NF1: variants seen among roughly 807,000 people sequenced by gnomAD.
The protein encoded by NF1 is neurofibromin 1.
A neutral mutation model predicts 325.7 loss-of-function variants in NF1; 122 were observed. That is an observed-to-expected ratio of 0.37 (90% CI 0.32 to 0.44). NF1 has a LOEUF of 0.44. NF1 is among the 20% of genes least tolerant of loss of function. The probability of loss-of-function intolerance (pLI) is 1.00; values close to 1 mark genes in which losing one functional copy is unlikely to be tolerated. For synonymous variants in NF1, 1,091 were observed against 1,186.0 expected, an observed-to-expected ratio of 0.92 and a Z score of 1.65; for missense variants, 2,140 against 3,415.4, an observed-to-expected ratio of 0.63 and a Z score of 9.31.
intron 27 of NF1, among the ~76,000 whole-genome samples, chr17:31,233,651 T>C (rs1368975248): frequency 1.3e-5 from 2 of 152,220 alleles, no homozygotes; most frequent in African/African-American, 2.4e-5. Flanking sequence ...TGATATTGTT[T>C]ATTTTAAAAA....
intron 29 of NF1, among the ~76,000 whole-genome samples, chr17:31,238,332 A>G (rs1054899847): frequency 2.0e-5 from 3 of 152,202 alleles, no homozygotes; most frequent in Non-Finnish European, 4.4e-5. Context: ...TGTTATCCCT[A>G]GCAAAGGTTT....
chr17:31,223,913 CATACATA>C (rs2066969777), intron 16 of NF1, among the ~76,000 whole-genome samples: 1 of 152,112 alleles, frequency 6.6e-6, no homozygotes, highest in Admixed American at 6.6e-5. Flanking sequence ...AGACATAATT[CATACATA>C]AAATTTATTT....
intron 31 of NF1, among the ~76,000 whole-genome samples, chr17:31,258,094 T>C (rs1473134823): frequency 6.6e-6 from 1 of 152,110 alleles, no homozygotes; most frequent in Non-Finnish European, 1.5e-5. Flanking sequence ...AGGTTTCTTC[T>C]ACCCATCTCA....
chr17:31,292,502 G>A (rs886264730), intron 36 of NF1, among the ~76,000 whole-genome samples: 1 of 151,916 alleles, frequency 6.6e-6, no homozygotes, highest in Non-Finnish European at 1.5e-5. Flanking sequence ...TCCCAAAATC[G>A]GCCCTGTGGA....
chr17:31,326,015 C>T lies in NF1; in HGVS notation c.5031C>T (p.Val1677=), dbSNP rs2151538196. 6.2e-7 allele frequency: 1 copy of T among 1,614,206 alleles called. No homozygotes were observed. Among genetic ancestry groups the T allele is most frequent in the Non-Finnish European group, 8.5e-7 (1 of 1,180,040 alleles). The part of the protein sequence containing the change: ...PGFAYDNVSA[V]YIYNCNSWVR... ...TTGCTTACGACAACGTCTCCGCAGT[C>T]TATATCTATAACTGTAACTCCTGGG... Residue 1677 remains valine, a synonymous_variant, in exon 37 of 58, where the codon GTC becomes GTT. Transcript: ENST00000358273.
chr17:31,346,836 T>C (rs1340636506), intron 48 of NF1, among the ~76,000 whole-genome samples: 2 of 150,194 alleles, frequency 1.3e-5, no homozygotes, highest in Non-Finnish European at 3.0e-5. Flanking sequence ...TTTTTTTTTT[T>C]TTTTACATCT....
intron 39 of NF1, among the ~76,000 whole-genome samples, chr17:31,333,088 A>G (rs907640126): frequency 6.6e-6 from 1 of 152,158 alleles, no homozygotes; most frequent in Non-Finnish European, 1.5e-5. Flanking sequence ...ATTTTAAGAA[A>G]TTCACTAATA....
At chr17:31,322,094 TACACACACACACACACACAC>T (rs71142046) in intron 36 of NF1, among the ~76,000 whole-genome samples, 7 of 147,412 alleles carry the variant, frequency 4.7e-5, no homozygotes, top group African/African-American at 1.5e-4. Context: ...AGTGTGTGTA[TACACACACACACACACACAC>T]ACACACACAC....
intron 36 of NF1, among the ~76,000 whole-genome samples, chr17:31,280,919 T>A (rs2068107227): frequency 6.6e-6 from 1 of 152,088 alleles, no homozygotes; most frequent in Admixed American, 6.6e-5. Context: ...AAAGGAAAGT[T>A]TATACTGTGA....
At chr17:31,101,200 A>G (rs1005796673) in intron 1 of NF1, among the ~76,000 whole-genome samples, 2 of 152,098 alleles carry the variant, frequency 1.3e-5, no homozygotes, top group African/African-American at 2.4e-5. Flanking sequence ...CTGGCAAAAC[A>G]TAGTGGTCAT....
At chr17:31,248,908 G>T in intron 29 of NF1, 76 bp from the exon 30 acceptor site, 1 of 1,439,850 alleles carries the variant, frequency 6.9e-7, no homozygotes, top group South Asian at 1.2e-5. Context: ...GTCTGTATAA[G>T]AGTCTCTTTT....
At chr17:31,114,890 C>T (rs1913765918) in intron 1 of NF1, among the ~76,000 whole-genome samples, 2 of 152,128 alleles carry the variant, frequency 1.3e-5, no homozygotes, top group South Asian at 4.1e-4. Context: ...CTTTGGTGGT[C>T]CTGCTTCATG....
At position 31,376,385 on chromosome 17, in the gene NF1, G is replaced by A. The variant is rs912455184; in HGVS notation, c.*2230G>A. 7 of 232,506 alleles carry A rather than the reference G, an allele frequency of 3.0e-5. No homozygotes were observed. Among genetic ancestry groups the A allele is most frequent in the Admixed American group, 5.6e-5 (1 of 17,754 alleles). 14.4% of individuals were successfully genotyped at this position (232,506 alleles called of 1,614,324 possible). ...TACCAAGGGTGTAGTATTTCATACC[G>A]CCTGAAATGATCAGCATTGGCACAA... On this transcript the variant is annotated 3_prime_UTR_variant, in exon 58 of 58. Coordinates refer to ENST00000358273, the MANE Select transcript of NF1 (RefSeq NM_001042492.3).
rs2067762902 is a variant in NF1 at position 31,265,159 on chromosome 17, A to G, written c.4725-70A>G. 21 of 1,061,166 alleles carry G rather than the reference A, an allele frequency of 2.0e-5. 2 individuals are homozygous for G. In the East Asian group the frequency reaches 4.9e-4, roughly 25 times the overall value. The allele number at this position is 1,061,166 out of a possible 1,614,324, so 65.7% of individuals were successfully genotyped here. On this transcript the variant is annotated intron_variant, in intron 35 of 57. Transcript: ENST00000358273. Reference sequence around the variant, plus strand: ...ATTTTAGTATTTTATTGTTTATCCAATTATAGACTTTTTTACATACTCAGT... The same window carrying G: ...ATTTTAGTATTTTATTGTTTATCCAGTTATAGACTTTTTTACATACTCAGT...
chr17:31,259,963 A>C (rs2067655150), intron 33 of NF1, among the ~76,000 whole-genome samples: 1 of 152,184 alleles, frequency 6.6e-6, no homozygotes, highest in African/African-American at 2.4e-5. Context: ...ATGTCAGCAT[A>C]GGATTCATAT....
At chr17:31,144,200 A>ATT (rs1332615084) in intron 1 of NF1, among the ~76,000 whole-genome samples, 1 of 152,186 alleles carries the variant, frequency 6.6e-6, no homozygotes, top group Non-Finnish European at 1.5e-5. Context: ...TCAGCTTACC[A>ATT]TTTTAAATAA....
At chr17:31,125,151 A>C (rs889402316) in intron 1 of NF1, among the ~76,000 whole-genome samples, 3 of 152,128 alleles carry the variant, frequency 2.0e-5, no homozygotes, top group Non-Finnish European at 2.9e-5. Context: ...CTCCATGAAC[A>C]ATGTATTGCT....
chr17:31,164,298 C>T (rs971807727), intron 4 of NF1, among the ~76,000 whole-genome samples: 3 of 152,130 alleles, frequency 2.0e-5, no homozygotes, highest in African/African-American at 7.2e-5. Context: ...ATTGATGACT[C>T]AAAATCATCC....
rs570227716 is a variant in NF1, at chr17:31,249,199, G to A, written c.4110+80G>A. On this transcript the variant is annotated intron_variant, in intron 30 of 57. Transcript: ENST00000358273. ...TGCTTTATCAAAGAAGGATCTAGCTGCTGATGGTGTGTGGTTAACTATAAT... is the reference window on the plus strand; with the variant it reads ...TGCTTTATCAAAGAAGGATCTAGCTACTGATGGTGTGTGGTTAACTATAAT... 1.0e-4 allele frequency: 151 copies of A among 1,459,462 alleles called. 2 individuals are homozygous for A. In the South Asian group the frequency reaches 1.7e-3, roughly 16 times the overall value. The allele number at this position is 1,459,462 out of a possible 1,614,324, so 90.4% of individuals were successfully genotyped here. A position where few individuals can be genotyped will look rare whatever the true frequency, so the allele number is the denominator to read the frequency against.
Sources: gnomAD v4.1 joint callset for allele counts (sites outside exome capture counted in the v4.1 genomes callset) on GRCh38, gnomAD v4.1.1 for gene constraint, MANE v1.5 for transcripts, NCBI Gene and HGNC (gene_info 2026-07-23, HGNC 2026-07-21) for gene names.